Variants in C1QTNF3 observed in about 807,000 individuals in gnomAD.
C1QTNF3 encodes the protein complement C1q tumor necrosis factor-related protein 3.
Under a neutral mutation model 32.6 loss-of-function variants are expected in C1QTNF3, and 26 were observed. That is an observed-to-expected ratio of 0.80 (90% CI 0.58 to 1.11). The LOEUF is 1.11. C1QTNF3 is among the 50% of genes least tolerant of loss of function. C1QTNF3 has a pLI of 0.00. For missense variants in C1QTNF3, 362 were observed against 398.2 expected (o/e 0.91, Z 0.77); for synonymous variants, 155 against 146.0 (o/e 1.06, Z -0.44).
intron 5 of C1QTNF3, among the ~76,000 whole-genome samples, chr5:34,023,076 C>T (rs368806799): frequency 1.3e-5 from 2 of 152,068 alleles, no homozygotes; most frequent in African/African-American, 2.4e-5. Flanking sequence ...AGGATGGTCT[C>T]GATCTCCAGA....
Position 34,028,887 on chromosome 5 carries a change from A to C in C1QTNF3, c.571-4T>G. 6.2e-7 allele frequency: 1 copy of C among 1,607,272 alleles called. No homozygotes were observed. The highest frequency in any genetic ancestry group is 2.2e-5 in the East Asian group (1 of 44,612). ...CCAGAGAAGCCATGAATGCAATCTA[A>C]GGAAAGAATTATTGGTCAATAAATA... is the stretch of plus-strand genomic sequence containing the variant. On this transcript the variant is annotated splice_region_variant and splice_polypyrimidine_tract_variant and intron_variant, in intron 3 of 5. Transcript: ENST00000382065.
the C1QTNF3 span, among the ~76,000 whole-genome samples, chr5:34,134,579 G>A: frequency 2.0e-5 from 3 of 152,104 alleles, no homozygotes; most frequent in South Asian, 2.1e-4. Context: ...CTTTCCTGGA[G>A]GCTTAAGTAT....
chr5:34,035,001 A>ATT (rs1164807858), intron 2 of C1QTNF3, among the ~76,000 whole-genome samples: 1 of 152,186 alleles, frequency 6.6e-6, no homozygotes, highest in Non-Finnish European at 1.5e-5. Flanking sequence ...TACCCTAGGG[A>ATT]TTAACCTGAG....
At chr5:34,096,172 GC>G in the C1QTNF3 span, among the ~76,000 whole-genome samples, 2 of 150,526 alleles carry the variant, frequency 1.3e-5, no homozygotes, top group African/African-American at 4.9e-5. Context: ...TAGTGGGAAG[GC>G]TGAGAAAACA....
the C1QTNF3 span, among the ~76,000 whole-genome samples, chr5:34,050,453 G>A: frequency 1.3e-5 from 2 of 152,096 alleles, no homozygotes; most frequent in African/African-American, 4.8e-5. Flanking sequence ...GACACTGTTT[G>A]TTGTTATTTT....
chr5:34,083,821 T>A, the C1QTNF3 span, among the ~76,000 whole-genome samples: 929 of 151,992 alleles, frequency 6.1e-3, 7 homozygotes, highest in Non-Finnish European at 9.7e-3. Context: ...TTTATATATG[T>A]GTATATTTGT....
chr5:34,091,297 G>C, the C1QTNF3 span, among the ~76,000 whole-genome samples: 8,761 of 152,046 alleles, frequency 0.058, 381 homozygotes, highest in African/African-American at 0.19. Context: ...CATCAGCTTC[G>C]AGCTCTTCTA....
At chr5:34,031,893 G>C (rs908187355) in intron 3 of C1QTNF3, among the ~76,000 whole-genome samples, 2 of 152,096 alleles carry the variant, frequency 1.3e-5, no homozygotes, top group Non-Finnish European at 2.9e-5. Flanking sequence ...AACTATTCAA[G>C]CTATTTTAAA....
chr5:34,100,160 C>T, the C1QTNF3 span, among the ~76,000 whole-genome samples: 1 of 152,008 alleles, frequency 6.6e-6, no homozygotes, highest in Non-Finnish European at 1.5e-5. Flanking sequence ...TTCATGTGTC[C>T]TCCAGAGGGG....
chr5:34,123,943 T>C, the C1QTNF3 span, among the ~76,000 whole-genome samples: 1 of 152,198 alleles, frequency 6.6e-6, no homozygotes, highest in Non-Finnish European at 1.5e-5. Flanking sequence ...ATACATTTTT[T>C]TTGCACACAG....
chr5:34,075,891 G>A, the C1QTNF3 span, among the ~76,000 whole-genome samples: 53 of 150,932 alleles, frequency 3.5e-4, no homozygotes, highest in African/African-American at 1.3e-3. Flanking sequence ...GTGTGTGTGT[G>A]TGTGTGTGTG....
the C1QTNF3 span, among the ~76,000 whole-genome samples, chr5:34,130,178 C>A: frequency 1.3e-5 from 2 of 151,442 alleles, no homozygotes; most frequent in African/African-American, 4.9e-5. Context: ...TATATATGTG[C>A]ATATATATTT....
At chr5:34,148,112 C>T in the C1QTNF3 span, among the ~76,000 whole-genome samples, 4,432 of 150,328 alleles carry the variant, frequency 0.029, 79 homozygotes, top group Non-Finnish European at 0.042. Flanking sequence ...CCTGGAAAAT[C>T]GGGTCACTCC....
chr5:34,181,966 G>A, the C1QTNF3 span, among the ~76,000 whole-genome samples: 1 of 152,298 alleles, frequency 6.6e-6, no homozygotes, highest in Admixed American at 6.5e-5. Context: ...GAGGATCACC[G>A]GAGTCCAGGA....
chr5:34,201,510 A>G, the C1QTNF3 span, among the ~76,000 whole-genome samples: 2 of 152,096 alleles, frequency 1.3e-5, no homozygotes, highest in Non-Finnish European at 2.9e-5. Flanking sequence ...TGTATGACAC[A>G]TAAAATTGTG....
At chr5:34,223,019 T>C in the C1QTNF3 span, among the ~76,000 whole-genome samples, 207 of 152,000 alleles carry the variant, frequency 1.4e-3, no homozygotes, top group African/African-American at 4.9e-3. Flanking sequence ...TTAAAAAATG[T>C]TATTTTCTTA....
chr5:34,235,540 CTTTTTCT>C, the C1QTNF3 span, among the ~76,000 whole-genome samples: 34 of 120,000 alleles, frequency 2.8e-4, no homozygotes, highest in African/African-American at 1.0e-3. Flanking sequence ...CAGGATATTT[CTTTTTCT>C]TTTTTTTTTT....
chr5:34,093,538 T>C, the C1QTNF3 span, among the ~76,000 whole-genome samples: 3 of 123,366 alleles, frequency 2.4e-5, no homozygotes, highest in Admixed American at 8.3e-5. Flanking sequence ...CAACCAGTGA[T>C]AGAGGCAGGA....
In C1QTNF3 at chr5:34,018,830, A is replaced by G. The variant is rs1754256727; in HGVS notation, c.*1753T>C. The stretch of plus-strand genomic sequence containing the variant: ...GTGCTTCGTTTGCAGAGTTGTTTTA[A>G]GATTTAGAATTTGCGGCTGGGTGCG... On this transcript the variant is annotated 3_prime_UTR_variant, in exon 6 of 6. Coordinates refer to ENST00000382065, the MANE Select transcript of C1QTNF3 (RefSeq NM_181435.6). Among the ~76,000 whole-genome samples the G allele has an allele frequency of 6.6e-6, 1 of 152,234 alleles. No homozygotes were observed. The highest frequency in any genetic ancestry group is 2.4e-5 in the African/African-American group (1 of 41,474).
Sources: allele counts gnomAD v4.1 joint callset (sites outside exome capture counted in the v4.1 genomes callset), GRCh38; gene constraint gnomAD v4.1.1; transcripts MANE v1.5; gene names NCBI Gene and HGNC (gene_info 2026-07-23, HGNC 2026-07-21).